MYO10: variants seen among roughly 807,000 people sequenced by gnomAD.
The protein encoded by MYO10 is myosin X.
Under a neutral mutation model 257.3 loss-of-function variants are expected in MYO10, and 133 were observed. The ratio of observed to expected loss-of-function variants is 0.52; its 90% CI spans 0.45 to 0.60. The LOEUF is 0.60. Among genes scored for constraint, MYO10 ranks in the 20% least tolerant of loss-of-function variants. The pLI is 0.00. For missense variants in MYO10, 2,399 were observed against 2,635.7 expected, an observed-to-expected ratio of 0.91 and a Z score of 1.97; for synonymous variants, 1,104 against 1,028.6, an observed-to-expected ratio of 1.07 and a Z score of -1.40.
chr5:16,698,786 G>T (rs1579850779), intron 26 of MYO10, among the ~76,000 whole-genome samples: 1 of 150,142 alleles, frequency 6.7e-6, no homozygotes, highest in Non-Finnish European at 1.5e-5. Flanking sequence ...ACCGCTCCCG[G>T]CTAATTTTTT....
At chr5:16,819,376 T>A (rs116338164) in intron 2 of MYO10, among the ~76,000 whole-genome samples, 1,742 of 152,288 alleles carry the variant, frequency 0.011, 14 homozygotes, top group Middle Eastern at 0.02. Flanking sequence ...TGGTTCAGGA[T>A]TAACCACATC....
At chr5:16,810,239 A>T (rs779998057) in intron 3 of MYO10, among the ~76,000 whole-genome samples, 2 of 152,178 alleles carry the variant, frequency 1.3e-5, no homozygotes, top group Non-Finnish European at 2.9e-5. Flanking sequence ...TCTGCTCAGG[A>T]GCTTCCAGGA....
intron 1 of MYO10, among the ~76,000 whole-genome samples, chr5:16,915,886 G>A (rs1316743882): frequency 6.6e-6 from 1 of 151,958 alleles, no homozygotes; most frequent in Non-Finnish European, 1.5e-5. Context: ...GAACCCAGGA[G>A]GCAGAGGTTG....
At chr5:16,918,588 C>T (rs889176602) in intron 1 of MYO10, among the ~76,000 whole-genome samples, 5 of 150,510 alleles carry the variant, frequency 3.3e-5, no homozygotes, top group Non-Finnish European at 7.4e-5. Context: ...CTGCAAACTC[C>T]GCCTCCTGGG....
chr5:16,779,316 C>T (rs1020991001), intron 9 of MYO10, among the ~76,000 whole-genome samples: 21 of 152,150 alleles, frequency 1.4e-4, no homozygotes, highest in African/African-American at 4.3e-4. Flanking sequence ...CTGAATGACA[C>T]ATTCGCTCAT....
chr5:16,860,575 A>T (rs1176035970), intron 2 of MYO10, among the ~76,000 whole-genome samples: 1 of 152,186 alleles, frequency 6.6e-6, no homozygotes, highest in Non-Finnish European at 1.5e-5. Flanking sequence ...ACTTGCAGAG[A>T]CACTCCGTTA....
chr5:16,740,801 T>C (rs1230727250), intron 19 of MYO10, among the ~76,000 whole-genome samples: 1 of 152,094 alleles, frequency 6.6e-6, no homozygotes, highest in East Asian at 1.9e-4. Context: ...ATATGTGGCA[T>C]TTTCCCATAG....
chr5:16,825,997 A>G (rs1742988303), intron 2 of MYO10, among the ~76,000 whole-genome samples: 1 of 151,836 alleles, frequency 6.6e-6, no homozygotes, highest in Admixed American at 6.6e-5. Flanking sequence ...AAAATACAAT[A>G]ATTAGCCGGG....
At chr5:16,919,915 A>G (rs903514572) in intron 1 of MYO10, among the ~76,000 whole-genome samples, 3 of 152,192 alleles carry the variant, frequency 2.0e-5, no homozygotes, top group Non-Finnish European at 4.4e-5. Flanking sequence ...GATCAAGACC[A>G]TCCTGGCCAA....
intron 39 of MYO10, among the ~76,000 whole-genome samples, chr5:16,669,138 C>T (rs543427586): frequency 7.9e-5 from 12 of 152,248 alleles, no homozygotes; most frequent in South Asian, 2.1e-4. Flanking sequence ...AAATTGGAGA[C>T]GCTGAAAAGA....
At chr5:16,828,544 G>A (rs555237431) in intron 2 of MYO10, among the ~76,000 whole-genome samples, 6 of 150,206 alleles carry the variant, frequency 4.0e-5, no homozygotes, top group Non-Finnish European at 8.9e-5. Context: ...CACTTAAACC[G>A]AGGAGGTGCA....
intron 3 of MYO10, among the ~76,000 whole-genome samples, chr5:16,816,059 A>G (rs1025468012): frequency 1.4e-4 from 21 of 149,610 alleles, no homozygotes; most frequent in East Asian, 2.0e-4. Flanking sequence ...AAAAAAAAAA[A>G]GGGCGGGGCA....
intron 1 of MYO10, among the ~76,000 whole-genome samples, chr5:16,879,438 T>C (rs1744698062): frequency 6.6e-6 from 1 of 152,188 alleles, no homozygotes; most frequent in Non-Finnish European, 1.5e-5. Context: ...ATAGCAAACA[T>C]AGTCACCTCC....
chr5:16,764,453 G>A, intron 11 of MYO10, 57 bp from the exon 12 acceptor site: 1 of 1,595,216 alleles, frequency 6.3e-7, no homozygotes, highest in Non-Finnish European at 8.5e-7. Context: ...AGACAGGCAA[G>A]GCCATCCATT....
At chr5:16,855,583 G>A (rs1191940281) in intron 2 of MYO10, among the ~76,000 whole-genome samples, 1 of 152,210 alleles carries the variant, frequency 6.6e-6, no homozygotes, top group Non-Finnish European at 1.5e-5. Context: ...AAGGAAATTA[G>A]GTTAATCGGA....
At chr5:16,792,067 A>T (rs975143945) in intron 4 of MYO10, among the ~76,000 whole-genome samples, 1 of 151,278 alleles carries the variant, frequency 6.6e-6, no homozygotes, top group African/African-American at 2.4e-5. Flanking sequence ...AGAAGACAGT[A>T]CCTCTGCCCA....
rs545201398 is a variant in MYO10, at chr5:16,798,691, T to G, written c.280-3858A>C. On this transcript the variant is annotated intron_variant, in intron 3 of 40. Coordinates refer to ENST00000513610, the MANE Select transcript of MYO10 (RefSeq NM_012334.3). The stretch of plus-strand genomic sequence containing the variant: ...CTACCTTTTTGATAGTTGTTTACAT[T>G]ATTTTCTTTTTTCTGCTAAGTATCA... Among the ~76,000 whole-genome samples the G allele has an allele frequency of 3.9e-5, 6 of 152,306 alleles. No homozygotes were observed. In the East Asian group the frequency reaches 1.2e-3, roughly 29 times the overall value.
In MYO10 at chr5:16,680,114, CA is replaced by C; in HGVS notation, c.4385-11del. On this transcript the variant is annotated splice_polypyrimidine_tract_variant and intron_variant, in intron 32 of 40. Transcript: ENST00000513610. ...GTGACGTTCCAGTAGCCTGCAATGG[CA>C]GGGGTGCCCAGCACACGCACGTCAA... 1 of 1,604,704 alleles carries C rather than the reference CA, an allele frequency of 6.2e-7. No homozygotes were observed. Among genetic ancestry groups the C allele is most frequent in the Non-Finnish European group, 8.5e-7 (1 of 1,172,904 alleles).
At chr5:16,767,723 G>C (rs10075376) in intron 10 of MYO10, among the ~76,000 whole-genome samples, 2,390 of 151,798 alleles carry the variant, frequency 0.016, 50 homozygotes, top group African/African-American at 0.054. Flanking sequence ...TGTCACCCAG[G>C]CTATAGTGCA....
Sources: gnomAD v4.1 joint callset for allele counts (sites outside exome capture counted in the v4.1 genomes callset) on GRCh38, gnomAD v4.1.1 for gene constraint, MANE v1.5 for transcripts, NCBI Gene and HGNC (gene_info 2026-07-23, HGNC 2026-07-21) for gene names.